VWF: variants seen among roughly 807,000 people sequenced by gnomAD.
The protein encoded by VWF is Factor VIII related antigen.
Under a neutral mutation model 308.6 loss-of-function variants are expected in VWF, and 176 were observed. The ratio of observed to expected loss-of-function variants is 0.57; its 90% CI spans 0.50 to 0.65. The LOEUF (loss-of-function observed/expected upper bound fraction) is 0.65. VWF is among the 30% of genes least tolerant of loss of function. The probability of loss-of-function intolerance (pLI) is 0.00; values close to 1 mark genes in which losing one functional copy is unlikely to be tolerated. For synonymous variants in VWF, 1,385 were observed against 1,443.4 expected, an observed-to-expected ratio of 0.96 and a Z score of 0.92; for missense variants, 3,146 against 3,648.2, an observed-to-expected ratio of 0.86 and a Z score of 3.55.
At chr12:6,050,955 C>CAA (rs375016497) in intron 16 of VWF, among the ~76,000 whole-genome samples, 42 of 132,266 alleles carry the variant, frequency 3.2e-4, no homozygotes, top group South Asian at 5.0e-4. Flanking sequence ...AATTCAGTCT[C>CAA]AAAAAAAAAA....
Position 5,991,900 on chromosome 12 carries a change from T to G in VWF, c.6717A>C (p.Pro2239=). The G allele has an allele frequency of 6.2e-7, 1 of 1,614,242 alleles. No individual in the cohort carries two copies. Among genetic ancestry groups the G allele is most frequent in the Admixed American group, 1.7e-5 (1 of 60,036 alleles). Residue 2239 remains proline (P), a synonymous_variant, in exon 38 of 52, where the codon CCA becomes CCC. Coordinates refer to ENST00000261405, the MANE Select transcript of VWF (RefSeq NM_000552.5). ...AGCTGCCTTCCAACATGACTTTATC[T>G]GGAGGGCAGAAACAGCCTTCGGAGG... ...DHPSEGCFCP[P]DKVMLEGSCV...
chr12:6,031,595 G>C lies in VWF; in HGVS notation c.2686-17C>G. The C allele has an allele frequency of 6.2e-7, 1 of 1,613,974 alleles. No individual in the cohort carries two copies. The highest frequency in any genetic ancestry group is 8.5e-7 in the Non-Finnish European group (1 of 1,180,004). On this transcript the variant is annotated splice_polypyrimidine_tract_variant and intron_variant, in intron 20 of 51. Transcript: ENST00000261405. ...GCAGTAATCCTGGGGAAAGAGGAGT[G>C]CCAGGAGAAGACCATTATCCCCACT...
chr12:6,070,635 C>A (rs764732368), intron 10 of VWF, among the ~76,000 whole-genome samples: 1 of 152,182 alleles, frequency 6.6e-6, no homozygotes, highest in Non-Finnish European at 1.5e-5. Flanking sequence ...GAAAACACCA[C>A]GTGAGTGAGC....
At chr12:5,975,148 C>T (rs1023227119) in intron 43 of VWF, among the ~76,000 whole-genome samples, 3 of 152,200 alleles carry the variant, frequency 2.0e-5, no homozygotes, top group African/African-American at 7.2e-5. Context: ...CTCTCAGTAC[C>T]CAAATGCAAG....
At position 5,985,672 on chromosome 12, in the gene VWF, G is replaced by C. The variant is rs753226430; in HGVS notation, c.6799-7C>G. On this transcript the variant is annotated splice_region_variant and splice_polypyrimidine_tract_variant and intron_variant, in intron 38 of 51. Coordinates refer to ENST00000261405, the MANE Select transcript of VWF (RefSeq NM_000552.5). ...GGACCCAGGCTTCCAGGAACTGAGG[G>C]CAAAGCGAGGTTCAGAAAGGGCACA... 6.2e-7 allele frequency: 1 copy of C among 1,613,388 alleles called. No individual in the cohort carries two copies. Among genetic ancestry groups the C allele is most frequent in the Non-Finnish European group, 8.5e-7 (1 of 1,179,420 alleles).
intron 17 of VWF, among the ~76,000 whole-genome samples, chr12:6,045,708 G>A (rs578107687): frequency 6.6e-6 from 1 of 152,288 alleles, no homozygotes; most frequent in Non-Finnish European, 1.5e-5. Context: ...CACAGAACTG[G>A]GTCCCTTGGA....
At chr12:6,106,208 T>C (rs1171653261) in intron 5 of VWF, among the ~76,000 whole-genome samples, 1 of 152,206 alleles carries the variant, frequency 6.6e-6, no homozygotes, top group African/African-American at 2.4e-5. Flanking sequence ...AATGAAATTT[T>C]TTTTCTTTTC....
chr12:5,956,727 T>G (rs910915468), intron 47 of VWF, among the ~76,000 whole-genome samples: 3 of 152,146 alleles, frequency 2.0e-5, no homozygotes, highest in Non-Finnish European at 4.4e-5. Flanking sequence ...AAAAAATATT[T>G]TTGTACAGCT....
intron 6 of VWF, among the ~76,000 whole-genome samples, chr12:6,094,908 G>C (rs1945089633): frequency 8.5e-6 from 1 of 117,292 alleles, no homozygotes; most frequent in Non-Finnish European, 1.7e-5. Flanking sequence ...TTTTGAGACA[G>C]AGTCTCACTC....
chr12:5,978,974 C>T (rs980204348), intron 42 of VWF, among the ~76,000 whole-genome samples: 4 of 152,110 alleles, frequency 2.6e-5, no homozygotes, highest in Non-Finnish European at 1.5e-5. Flanking sequence ...CCAACAGGCT[C>T]CAGAGCCAAC....
Position 6,045,457 on chromosome 12 carries a change from G to A in VWF, c.2282-1006C>T, listed in dbSNP as rs1009882175. Among the ~76,000 whole-genome samples, 7 of 152,354 alleles carry A rather than the reference G, an allele frequency of 4.6e-5. 1 individual carries two copies. The Middle Eastern group carries it at 0.01, about 222-fold the overall frequency. Reference sequence around the variant, plus strand: ...ACTAGAAGATTCTGAGCAGAAGCACGGAAGGTAGGTCTGAGAGGCAGAATG... The same window carrying A: ...ACTAGAAGATTCTGAGCAGAAGCACAGAAGGTAGGTCTGAGAGGCAGAATG... On this transcript the variant is annotated intron_variant, in intron 17 of 51. Coordinates refer to ENST00000261405, the MANE Select transcript of VWF (RefSeq NM_000552.5).
Position 6,058,030 on chromosome 12 carries a change from A to G in VWF, c.1548T>C (p.Tyr516=), listed in dbSNP as rs1800379. The G allele has an allele frequency of 0.36, 586,619 of 1,612,916 alleles. 111,546 individuals carry two copies. Among genetic ancestry groups the G allele is most frequent in the African/African-American group, 0.6 (45,321 of 74,962 alleles). The change falls in exon 14 of 52, where the codon TAT becomes TAC. Residue 516 remains tyrosine, a synonymous_variant. Coordinates refer to ENST00000261405, the MANE Select transcript of VWF (RefSeq NM_000552.5). The surrounding 1 kb of genome is among the most constrained non-coding windows in gnomAD (Gnocchi z 4.9). ...CACACAGGCCGCAGGTCTTCCCGGCATAGACGGGGGACAGCTGCAGGAGAG... is the reference window on the plus strand; with the variant it reads ...CACACAGGCCGCAGGTCTTCCCGGCGTAGACGGGGGACAGCTGCAGGAGAG... The part of the protein sequence containing the change: ...GRLLVKLSPV[Y]AGKTCGLCGN...
chr12:5,976,208 C>T lies in VWF; in HGVS notation c.7340G>A (p.Gly2447Asp). The T allele has an allele frequency of 1.2e-6, 2 of 1,614,150 alleles. No homozygotes were observed. Among genetic ancestry groups the T allele is most frequent in the Non-Finnish European group, 1.7e-6 (2 of 1,180,028 alleles). The change falls in exon 43 of 52, where the codon GGC becomes GAC. Residue 2447 changes from glycine (G) to aspartate (D), a missense_variant. Coordinates refer to ENST00000261405, the MANE Select transcript of VWF (RefSeq NM_000552.5). ...IYPVGQFWEE[G>D]CDVCTCTDME... ...GTCGGTGCAGGTGCACACATCGCAG[C>T]CCTCCTCCCAGAACTGGCCCACAGG...
Position 5,976,157 on chromosome 12 carries a change from C to G in VWF, c.7391G>C (p.Arg2464Pro), listed in dbSNP as rs373896832. ...GGGCTTCTGGGAGCACTGGGCCACG[C>G]GGAGGCCCATCACGGCATCCTCCAT... The part of the protein sequence containing the change: ...TDMEDAVMGL[R>P]VAQCSQKPCE... Residue 2464 changes from arginine to proline, a missense_variant, in exon 43 of 52, where the codon CGC (arginine) becomes CCC (proline). Physicochemically the swap from Arg to Pro is moderately radical, Grantham distance 103. Coordinates refer to ENST00000261405, the MANE Select transcript of VWF (RefSeq NM_000552.5). 6.2e-7 allele frequency: 1 copy of G among 1,613,974 alleles called. No homozygotes were observed. Among genetic ancestry groups the G allele is most frequent in the Non-Finnish European group, 8.5e-7 (1 of 1,180,050 alleles).
Position 6,052,716 on chromosome 12 carries a change from A to C in VWF, c.2013T>G (p.Ser671=), listed in dbSNP as rs779757026. 16 of 1,613,998 alleles carry C rather than the reference A, an allele frequency of 9.9e-6. No individual in the cohort carries two copies. The South Asian group carries it at 1.3e-4, about 13-fold the overall frequency. Residue 671 remains serine (S), a synonymous_variant, in exon 16 of 52, where the codon TCT becomes TCG. Coordinates refer to ENST00000261405, the MANE Select transcript of VWF (RefSeq NM_000552.5). ...CGTPCNLTCR[S]LSYPDEECNE... ...TGCATTCCTCATCCGGGTAAGAGAG[A>C]GAGCGGCAGGTCAGGTTGCAGGGGG...
Position 5,969,300 on chromosome 12 carries a change from A to G in VWF, c.7640T>C (p.Val2547Ala), listed in dbSNP as rs1263673651. The G allele has an allele frequency of 1.2e-6, 2 of 1,614,026 alleles. No homozygotes were observed. The highest frequency in any genetic ancestry group is 2.7e-5 in the African/African-American group (2 of 74,922). Residue 2547 changes from valine (V) to alanine (A), a missense_variant, in exon 45 of 52, where the codon GTC becomes GCC. This residue lies in a region of VWF where 989 missense variants were observed against 1,117.4 expected (regional missense o/e 0.89). Transcript: ENST00000261405. The stretch of plus-strand genomic sequence containing the variant: ...AGGGACCTCCAGCTGGGGGCAGGAG[A>G]CGTTCCTTTGTTGTATAAAGACCTC... ...KEEVFIQQRNVSCPQLEVPVC... is the reference protein window; with the variant it reads ...KEEVFIQQRNASCPQLEVPVC...
chr12:5,994,230 G>C, intron 36 of VWF, 27 bp from the exon 37 acceptor site: 1 of 1,612,432 alleles, frequency 6.2e-7, no homozygotes, highest in Non-Finnish European at 8.5e-7. Flanking sequence ...ACAAAAAAAA[G>C]ATAAACTGAG....
At position 5,982,299 on chromosome 12, in the gene VWF, G is replaced by A. The variant is rs886387844; in HGVS notation, c.7082-308C>T. ...GAAGGGGCGGGTTCCTTCATTCTCA[G>A]AGGTGTCAGATGTAGAATCTCTAAG... On this transcript the variant is annotated intron_variant, in intron 41 of 51. Transcript: ENST00000261405. Among the ~76,000 whole-genome samples, 37 of 152,156 alleles carry A rather than the reference G, an allele frequency of 2.4e-4. 1 individual carries two copies. The highest frequency in any genetic ancestry group is 8.9e-4 in the African/African-American group (37 of 41,422).
chr12:5,978,205 C>A (rs917401894), intron 42 of VWF, among the ~76,000 whole-genome samples: 2 of 151,030 alleles, frequency 1.3e-5, no homozygotes, highest in South Asian at 2.1e-4. Context: ...AGTATTTACA[C>A]AAATATCCCC....
Sources: allele counts gnomAD v4.1 joint callset (sites outside exome capture counted in the v4.1 genomes callset), GRCh38; gene constraint gnomAD v4.1.1; regional missense constraint gnomAD v4.1.1; non-coding constraint Gnocchi (gnomAD v3.1); transcripts MANE v1.5; gene names NCBI Gene and HGNC (gene_info 2026-07-23, HGNC 2026-07-21).